Variants in ASXL3 observed in about 807,000 individuals in gnomAD.
ASXL3 encodes putative Polycomb group protein ASXL3.
Under a neutral mutation model 170.6 loss-of-function variants are expected in ASXL3, and 34 were observed. The ratio of observed to expected loss-of-function variants is 0.20; its 90% CI spans 0.15 to 0.27. ASXL3 has a LOEUF of 0.27. ASXL3 is among the 10% of genes least tolerant of loss of function. The probability of loss-of-function intolerance (pLI) is 1.00; values close to 1 mark genes in which losing one functional copy is unlikely to be tolerated. For missense variants in ASXL3, 2,592 were observed against 2,695.3 expected (o/e 0.96, Z 0.85); for synonymous variants, 1,002 against 989.1 (o/e 1.01, Z -0.24).
At chr18:33,695,059 C>T (rs971488048) in intron 8 of ASXL3, among the ~76,000 whole-genome samples, 2 of 152,152 alleles carry the variant, frequency 1.3e-5, no homozygotes, top group African/African-American at 4.8e-5. Flanking sequence ...TTTTCGATAA[C>T]TCAGGCTCCT....
At chr18:33,653,982 A>G (rs564232224) in intron 4 of ASXL3, among the ~76,000 whole-genome samples, 1 of 151,722 alleles carries the variant, frequency 6.6e-6, no homozygotes, top group Non-Finnish European at 1.5e-5. Flanking sequence ...CATTTCTTTT[A>G]TCTTTTAGAG....
intron 8 of ASXL3, among the ~76,000 whole-genome samples, chr18:33,691,627 A>G (rs1216485421): frequency 5.3e-5 from 8 of 152,204 alleles, no homozygotes; most frequent in Non-Finnish European, 7.3e-5. Context: ...ATCCTGAAAG[A>G]GAGAATTGTT....
chr18:33,656,557 T>A (rs1369857514), intron 4 of ASXL3, among the ~76,000 whole-genome samples: 3 of 152,156 alleles, frequency 2.0e-5, no homozygotes, highest in Non-Finnish European at 4.4e-5. Flanking sequence ...TCTGCCATTT[T>A]ATGTAAGCAT....
At position 33,742,969 on chromosome 18, in the gene ASXL3, A is replaced by G; in HGVS notation, c.3121A>G (p.Thr1041Ala). The G allele has an allele frequency of 6.2e-7, 1 of 1,613,912 alleles. No individual in the cohort carries two copies. The highest frequency in any genetic ancestry group is 8.5e-7 in the Non-Finnish European group (1 of 1,179,866). Reference sequence around the variant, plus strand: ...ACCTGAGTCTCGAGCATCCACTAGCACATCTGTCAGTGGCGGGAGGAACAC... The same window carrying G: ...ACCTGAGTCTCGAGCATCCACTAGCGCATCTGTCAGTGGCGGGAGGAACAC... The part of the protein sequence containing the change: ...SKPESRASTS[T>A]SVSGGRNTGA... Residue 1041 changes from threonine to alanine, a missense_variant, in exon 12 of 12, where the codon ACA (threonine) becomes GCA (alanine). Transcript: ENST00000269197.
chr18:33,662,981 AT>A (rs2066199565), intron 5 of ASXL3, among the ~76,000 whole-genome samples: 1 of 152,130 alleles, frequency 6.6e-6, no homozygotes, highest in African/African-American at 2.4e-5. Context: ...TTACCTTCCT[AT>A]TTCATATTAT....
Position 33,739,284 on chromosome 18 carries a change from C to T in ASXL3, c.1880C>T (p.Ser627Phe). The T allele has an allele frequency of 1.2e-6, 2 of 1,613,720 alleles. No homozygotes were observed. The highest frequency in any genetic ancestry group is 1.7e-6 in the Non-Finnish European group (2 of 1,179,772). ...SPEGACTSLP[S>F]PGGETQSTSE... ...GAGGGAGCCTGTACCAGCCTGCCTT[C>T]TCCAGGAGGGGAAACACAGTCCACA... The change falls in exon 11 of 12, where the codon TCT becomes TTT. Residue 627 changes from serine (S) to phenylalanine (F), a missense_variant. Coordinates refer to ENST00000269197, the MANE Select transcript of ASXL3 (RefSeq NM_030632.3).
chr18:33,613,701 T>G (rs971305068), intron 2 of ASXL3, among the ~76,000 whole-genome samples: 1 of 152,228 alleles, frequency 6.6e-6, no homozygotes, highest in Admixed American at 6.5e-5. Flanking sequence ...AGAGGATTAC[T>G]TGAGCCCAGG....
At chr18:33,720,029 C>T (rs1385195109) in intron 8 of ASXL3, among the ~76,000 whole-genome samples, 1 of 151,936 alleles carries the variant, frequency 6.6e-6, no homozygotes, top group Non-Finnish European at 1.5e-5. Context: ...AGATCAGGGC[C>T]ATTGTTAAAG....
intron 8 of ASXL3, among the ~76,000 whole-genome samples, chr18:33,699,765 T>C (rs1313678092): frequency 6.6e-6 from 1 of 152,140 alleles, no homozygotes; most frequent in Non-Finnish European, 1.5e-5. Flanking sequence ...CACTGTTCTT[T>C]TTAAAATTGC....
At chr18:33,708,256 CTT>C (rs1350965825) in intron 8 of ASXL3, among the ~76,000 whole-genome samples, 1 of 152,126 alleles carries the variant, frequency 6.6e-6, no homozygotes, top group African/African-American at 2.4e-5. Context: ...TTTGGGAAAA[CTT>C]TTAATTACCG....
In ASXL3 at chr18:33,745,415, G is replaced by A; in HGVS notation, c.5567G>A (p.Gly1856Glu). Residue 1856 changes from glycine to glutamate, a missense_variant, in exon 12 of 12, where the codon GGG (glycine) becomes GAG (glutamate). By Grantham distance (98) the Gly-to-Glu change is moderately conservative. This residue lies in a region of ASXL3 where 2,246 missense variants were observed against 2,219.6 expected (regional missense o/e 1.01). Transcript: ENST00000269197. The part of the protein sequence containing the change: ...GKLLVEPDVK[G>E]VPCVISSGIS... ...TTGTTGGTGGAGCCAGATGTTAAAG[G>A]GGTGCCTTGTGTCATCAGTTCCGGC... The A allele has an allele frequency of 6.2e-7, 1 of 1,613,942 alleles. No homozygotes were observed. Among genetic ancestry groups the A allele is most frequent in the Non-Finnish European group, 8.5e-7 (1 of 1,179,868 alleles).
At chr18:33,649,006 A>G (rs1353547944) in intron 4 of ASXL3, among the ~76,000 whole-genome samples, 1 of 152,068 alleles carries the variant, frequency 6.6e-6, no homozygotes, top group African/African-American at 2.4e-5. Context: ...AGATAATGAG[A>G]GGAGAGGAAT....
At chr18:33,593,258 C>CTTTTTTTTTT (rs34699815) in intron 1 of ASXL3, among the ~76,000 whole-genome samples, 1 of 87,936 alleles carries the variant, frequency 1.1e-5, no homozygotes. Flanking sequence ...CTATGCCCAC[C>CTTTTTTTTTT]TTTTTTTTTT....
chr18:33,686,026 T>C (rs546887031), intron 8 of ASXL3, among the ~76,000 whole-genome samples: 56 of 152,360 alleles, frequency 3.7e-4, no homozygotes, highest in Admixed American at 8.5e-4. Flanking sequence ...TAACGGATTG[T>C]CTTAGTTTTA....
intron 2 of ASXL3, among the ~76,000 whole-genome samples, chr18:33,644,347 A>G (rs2065887573): frequency 6.6e-6 from 1 of 151,964 alleles, no homozygotes; most frequent in Non-Finnish European, 1.5e-5. Context: ...TTATTTTGCC[A>G]TGTGAGAAAT....
At chr18:33,702,067 CTCTT>C (rs2066882856) in intron 8 of ASXL3, among the ~76,000 whole-genome samples, 1 of 151,940 alleles carries the variant, frequency 6.6e-6, no homozygotes, top group African/African-American at 2.4e-5. Context: ...TTGTTGCTCT[CTCTT>C]TATTGATGTT....
rs1360212207 is a variant in ASXL3, at chr18:33,578,434, C to T, written c.-198C>T. On this transcript the variant is annotated 5_prime_UTR_variant, in exon 1 of 12. Transcript: ENST00000269197. ...TCGCGCGCCCCCACCCACTCCACCC[C>T]ACCCCCTCGCTCCATCCCTCCCACC... 1 of 99,486 alleles carries T rather than the reference C, an allele frequency of 1.0e-5. No homozygotes were observed. The highest frequency in any genetic ancestry group is 2.0e-5 in the Non-Finnish European group (1 of 49,198). 6.2% of individuals were successfully genotyped at this position (99,486 alleles called of 1,614,324 possible).
intron 4 of ASXL3, 41 bp from the exon 5 acceptor site, chr18:33,661,575 G>C: frequency 6.4e-7 from 1 of 1,558,140 alleles, no homozygotes; most frequent in Non-Finnish European, 8.7e-7. Context: ...TATAAAAAAG[G>C]AATTCAAATT....
intron 8 of ASXL3, among the ~76,000 whole-genome samples, chr18:33,691,309 C>T (rs2066682839): frequency 6.6e-6 from 1 of 152,088 alleles, no homozygotes; most frequent in Admixed American, 6.6e-5. Context: ...CACTAACTCC[C>T]ATTGTTAATT....
Sources: gnomAD v4.1 joint callset for allele counts (sites outside exome capture counted in the v4.1 genomes callset) on GRCh38, gnomAD v4.1.1 for gene constraint, gnomAD v4.1.1 regional missense constraint, MANE v1.5 for transcripts, NCBI Gene and HGNC (gene_info 2026-07-23, HGNC 2026-07-21) for gene names.